Variants in FBXO34 observed in about 807,000 individuals in gnomAD.
FBXO34 encodes F-box only protein 34.
Under a neutral mutation model 24.5 loss-of-function variants are expected in FBXO34, and 12 were observed. The observed-to-expected ratio is 0.49, with a 90% CI of 0.31 to 0.79. The LOEUF (loss-of-function observed/expected upper bound fraction) is 0.79, where lower values mean the gene tolerates loss of function less well. Among genes scored for constraint, FBXO34 ranks in the 30% least tolerant of loss-of-function variants. The pLI is 0.04. For missense variants in FBXO34, 823 were observed against 857.7 expected (o/e 0.96, Z 0.51); for synonymous variants, 320 against 311.9 (o/e 1.03, Z -0.27).
At chr14:55,323,196 A>ATT (rs1566555748) in intron 1 of FBXO34, among the ~76,000 whole-genome samples, 2 of 42,486 alleles carry the variant, frequency 4.7e-5, no homozygotes, top group African/African-American at 5.5e-4. Context: ...AAAAAAAAAA[A>ATT]AAAAAAAAAA....
the FBXO34 span, among the ~76,000 whole-genome samples, chr14:55,406,756 G>A: frequency 6.6e-6 from 1 of 152,202 alleles, no homozygotes; most frequent in Non-Finnish European, 1.5e-5. Context: ...CTGGAAAAGA[G>A]AAAGATGGAG....
chr14:55,339,014 T>C (rs1446780187), intron 1 of FBXO34, among the ~76,000 whole-genome samples: 1 of 152,064 alleles, frequency 6.6e-6, no homozygotes. Flanking sequence ...GTCTTGCTGG[T>C]AGCAGTGAAA....
chr14:55,327,454 AG>A (rs1270489673), intron 1 of FBXO34, among the ~76,000 whole-genome samples: 4 of 152,196 alleles, frequency 2.6e-5, no homozygotes, highest in Admixed American at 2.0e-4. Flanking sequence ...GACTTAAAAC[AG>A]GGTAGTAGCA....
intron 1 of FBXO34, 135 bp downstream of exon 1, chr14:55,271,672 CG>C (rs1355052038): frequency 1.3e-5 from 2 of 148,932 alleles, no homozygotes; most frequent in Admixed American, 6.7e-5. Flanking sequence ...GGGGTGGGGG[CG>C]GGGGCGCCGC....
At chr14:55,315,337 T>G (rs1293382475) in intron 1 of FBXO34, among the ~76,000 whole-genome samples, 1 of 152,256 alleles carries the variant, frequency 6.6e-6, no homozygotes, top group Non-Finnish European at 1.5e-5. Context: ...TATCTTCATA[T>G]TCCTGAAGAT....
At chr14:55,309,070 CAT>C (rs111794269) in intron 1 of FBXO34, among the ~76,000 whole-genome samples, 1,708 of 152,190 alleles carry the variant, frequency 0.011, 14 homozygotes, top group Middle Eastern at 0.027. Context: ...AAAAGACAAA[CAT>C]GTATTTAATA....
rs1884239011 is a variant in FBXO34, at chr14:55,348,639, G to A, written c.-10-1742G>A. ...CCACCTATGCCTCCCAAAGCACTGG[G>A]ATTATAGGTGTGAGCCACCATGCCT... On this transcript the variant is annotated intron_variant, in intron 1 of 1. Coordinates refer to ENST00000313833, the MANE Select transcript of FBXO34 (RefSeq NM_017943.4). 2.6e-5 allele frequency among the ~76,000 whole-genome samples: 4 copies of A among 152,148 alleles called. No individual in the cohort carries two copies. The South Asian group carries it at 8.3e-4, about 32-fold the overall frequency.
the FBXO34 span, among the ~76,000 whole-genome samples, chr14:55,375,487 T>TA: frequency 1.1e-3 from 104 of 96,622 alleles, 8 homozygotes; most frequent in South Asian, 1.7e-3. Context: ...CACGCCGGGC[T>TA]AAATTTTTTT....
At chr14:55,314,057 A>G (rs949243651) in intron 1 of FBXO34, among the ~76,000 whole-genome samples, 2 of 152,040 alleles carry the variant, frequency 1.3e-5, no homozygotes, top group East Asian at 3.9e-4. Context: ...GCATGCCACC[A>G]TCCCTGGCAA....
the FBXO34 span, among the ~76,000 whole-genome samples, chr14:55,383,155 C>T: frequency 2.0e-5 from 3 of 152,152 alleles, no homozygotes; most frequent in Admixed American, 6.5e-5. Context: ...GCCTTACGCA[C>T]GCGTCCCATG....
At chr14:55,295,044 A>G (rs1417252369) in intron 1 of FBXO34, among the ~76,000 whole-genome samples, 3 of 152,246 alleles carry the variant, frequency 2.0e-5, no homozygotes, top group African/African-American at 7.2e-5. Context: ...TATCTCATTT[A>G]CTTTATTGAA....
At chr14:55,342,419 T>C (rs940660957) in intron 1 of FBXO34, among the ~76,000 whole-genome samples, 4 of 152,322 alleles carry the variant, frequency 2.6e-5, no homozygotes, top group East Asian at 1.9e-4. Flanking sequence ...GAATTGATTT[T>C]AGAGAATATT....
At chr14:55,316,443 T>A (rs1217028665) in intron 1 of FBXO34, among the ~76,000 whole-genome samples, 7 of 149,038 alleles carry the variant, frequency 4.7e-5, no homozygotes, top group African/African-American at 1.5e-4. Context: ...AAAAAAAAAA[T>A]TAGCTGGGTG....
chr14:55,331,729 G>GTGTA lies in FBXO34; in HGVS notation c.-10-18651_-10-18650insGTAT, dbSNP rs1566559478. Among the ~76,000 whole-genome samples, 8 of 28,036 alleles carry GTGTA rather than the reference G, an allele frequency of 2.9e-4. 3 individuals carry two copies. Among genetic ancestry groups the GTGTA allele is most frequent in the African/African-American group, 2.2e-3 (5 of 2,280 alleles). The allele number at this position is 28,036 out of a possible 152,430, so 18.4% of individuals were successfully genotyped here. A position where few individuals can be genotyped will look rare whatever the true frequency, so the allele number is the denominator to read the frequency against. On this transcript the variant is annotated intron_variant, in intron 1 of 1. Coordinates refer to ENST00000313833, the MANE Select transcript of FBXO34 (RefSeq NM_017943.4). Reference sequence around the variant, plus strand: ...TGTATATATATATGTATATATATATGTATATATATATGTGTGTATATATAT... The same window carrying GTGTA: ...TGTATATATATATGTATATATATATGTGTATATATATATATGTGTGTATATATAT...
chr14:55,310,949 A>G (rs1156917438), intron 1 of FBXO34, among the ~76,000 whole-genome samples: 2 of 149,702 alleles, frequency 1.3e-5, no homozygotes, highest in Non-Finnish European at 2.9e-5. Context: ...TGCAAGGAAA[A>G]AAAAAAACAT....
chr14:55,301,729 G>C (rs1032745423), intron 1 of FBXO34, among the ~76,000 whole-genome samples: 5 of 152,204 alleles, frequency 3.3e-5, no homozygotes, highest in Non-Finnish European at 7.3e-5. Flanking sequence ...GGGATGTCAT[G>C]CCCAGTGTAA....
the FBXO34 span, chr14:55,414,261 C>G: frequency 1.3e-6 from 1 of 760,044 alleles, no homozygotes; most frequent in Non-Finnish European, 2.1e-6. Context: ...CAGAGTCGCC[C>G]TTTAATAAGT....
the FBXO34 span, chr14:55,378,064 C>T: frequency 6.2e-7 from 1 of 1,612,484 alleles, no homozygotes; most frequent in African/African-American, 1.3e-5. Flanking sequence ...AGATTTTCGC[C>T]ACAAAATTCA....
exon 3 of FBXO34, chr14:55,367,915 T>A (rs1486711506): frequency 6.6e-6 from 1 of 152,522 alleles, no homozygotes; most frequent in Non-Finnish European, 1.5e-5. Context: ...ATATAGCACC[T>A]CGGACTTGGA....
Sources: allele counts gnomAD v4.1 joint callset (sites outside exome capture counted in the v4.1 genomes callset), GRCh38; gene constraint gnomAD v4.1.1; transcripts MANE v1.5; gene names NCBI Gene and HGNC (gene_info 2026-07-23, HGNC 2026-07-21).